MTTP: variants seen among roughly 807,000 people sequenced by gnomAD.
MTTP encodes microsomal triglyceride transfer protein, also known as microsomal triglyceride transfer protein large subunit.
Under a neutral mutation model 90.6 loss-of-function variants are expected in MTTP, and 49 were observed. The ratio of observed to expected loss-of-function variants is 0.54; its 90% CI spans 0.43 to 0.69. The LOEUF is 0.69. Ranked by LOEUF, MTTP falls within the 30% of genes least tolerant of loss-of-function variation. MTTP has a pLI of 0.00. For synonymous variants in MTTP, 347 were observed against 384.2 expected (o/e 0.90, Z 1.13); for missense variants, 945 against 1,067.5 (o/e 0.89, Z 1.60).
At chr4:99,605,299 A>C (rs1725787237) in intron 10 of MTTP, among the ~76,000 whole-genome samples, 1 of 152,142 alleles carries the variant, frequency 6.6e-6, no homozygotes, top group African/African-American at 2.4e-5. Context: ...ATGTTCACAC[A>C]TTTACATACT....
At chr4:99,569,636 A>T (rs1398662232) in intron 1 of MTTP, among the ~76,000 whole-genome samples, 1 of 151,990 alleles carries the variant, frequency 6.6e-6, no homozygotes, top group African/African-American at 2.4e-5. Flanking sequence ...TGGCAAAAAA[A>T]GAAAATGCAA....
At chr4:99,610,186 C>T (rs1275323228) in intron 12 of MTTP, among the ~76,000 whole-genome samples, 1 of 152,160 alleles carries the variant, frequency 6.6e-6, no homozygotes, top group Non-Finnish European at 1.5e-5. Context: ...AGCTCACCAT[C>T]TTTGAGGGAA....
chr4:99,587,463 G>A (rs1340935604), intron 3 of MTTP, among the ~76,000 whole-genome samples: 1 of 152,138 alleles, frequency 6.6e-6, no homozygotes, highest in Non-Finnish European at 1.5e-5. Context: ...GGATCCAGAG[G>A]TCAAGATCAA....
chr4:99,575,759 G>A (rs1215867102), intron 1 of MTTP, among the ~76,000 whole-genome samples: 2 of 152,172 alleles, frequency 1.3e-5, no homozygotes, highest in Admixed American at 1.3e-4. Flanking sequence ...TTTTCCAAAT[G>A]CTGCATTGTG....
intron 16 of MTTP, among the ~76,000 whole-genome samples, chr4:99,620,277 G>C (rs1318653134): frequency 6.6e-6 from 1 of 152,172 alleles, no homozygotes; most frequent in African/African-American, 2.4e-5. Flanking sequence ...TAATATTCCT[G>C]TCAAAACATA....
chr4:99,597,591 A>T (rs1185774448), intron 8 of MTTP, among the ~76,000 whole-genome samples: 2 of 152,204 alleles, frequency 1.3e-5, no homozygotes, highest in African/African-American at 4.8e-5. Flanking sequence ...ACACCTGAAC[A>T]GATTTGAGTT....
intron 6 of MTTP, among the ~76,000 whole-genome samples, chr4:99,593,580 T>C (rs1725481431): frequency 6.6e-6 from 1 of 152,162 alleles, no homozygotes; most frequent in Non-Finnish European, 1.5e-5. Flanking sequence ...TATTTTCAGA[T>C]TTTAATTCAG....
At chr4:99,567,254 G>C (rs1057446888) in intron 1 of MTTP, among the ~76,000 whole-genome samples, 5 of 152,160 alleles carry the variant, frequency 3.3e-5, no homozygotes, top group African/African-American at 1.2e-4. Flanking sequence ...TGAACTTCCT[G>C]AATCTCCTGA....
upstream of MTTP, among the ~76,000 whole-genome samples, chr4:99,573,711 C>T (rs1374279910): frequency 1.3e-5 from 2 of 152,194 alleles, no homozygotes; most frequent in East Asian, 1.9e-4. Context: ...CTCAAGGTTA[C>T]GGTTTGAGAA....
chr4:99,592,835 T>G (rs1725464988), intron 6 of MTTP, among the ~76,000 whole-genome samples: 1 of 152,198 alleles, frequency 6.6e-6, no homozygotes, highest in African/African-American at 2.4e-5. Flanking sequence ...ATGTGTGGTA[T>G]AATAAACACA....
Position 99,583,523 on chromosome 4 carries a change from G to C in MTTP, c.393+6G>C, listed in dbSNP as rs1725180589. ...TTCATCTAATCCATGGAAAGGTAAA[G>C]GGGCGTTTAGATTCCACAACTTTTT... On this transcript the variant is annotated splice_donor_region_variant and intron_variant, in intron 3 of 17. Coordinates refer to ENST00000265517, the MANE Select transcript of MTTP (RefSeq NM_001386140.1). The C allele has an allele frequency of 2.5e-6, 4 of 1,613,334 alleles. No individual in the cohort carries two copies. The highest frequency in any genetic ancestry group is 3.4e-6 in the Non-Finnish European group (4 of 1,179,774).
At chr4:99,610,149 C>T (rs1471428513) in intron 12 of MTTP, among the ~76,000 whole-genome samples, 1 of 152,172 alleles carries the variant, frequency 6.6e-6, no homozygotes, top group Non-Finnish European at 1.5e-5. Flanking sequence ...GGTATTCAGA[C>T]TTTGCTTCCC....
At chr4:99,615,033 C>G (rs1726064919) in intron 15 of MTTP, among the ~76,000 whole-genome samples, 1 of 152,162 alleles carries the variant, frequency 6.6e-6, no homozygotes, top group African/African-American at 2.4e-5. Flanking sequence ...AGCATAAGTA[C>G]TGAAAAAGTA....
intron 1 of MTTP, among the ~76,000 whole-genome samples, chr4:99,566,642 A>G (rs1475371255): frequency 1.3e-5 from 2 of 152,210 alleles, no homozygotes; most frequent in Non-Finnish European, 2.9e-5. Flanking sequence ...GAACAGCCAT[A>G]AATATGAAAT....
Position 99,611,562 on chromosome 4 carries a change from G to C in MTTP, c.1989+109G>C, listed in dbSNP as rs937282765. 7 of 1,421,918 alleles carry C rather than the reference G, an allele frequency of 4.9e-6. No individual in the cohort carries two copies. In the African/African-American group the frequency reaches 9.9e-5, roughly 20 times the overall value. The allele number at this position is 1,421,918 out of a possible 1,614,324, so 88.1% of individuals were successfully genotyped here. ...ATGCTATAGAATGTATAAGTTAATG[G>C]TGGCTTCTGTCATATTTTGCCCATG... On this transcript the variant is annotated intron_variant, in intron 14 of 17. Transcript: ENST00000265517.
intron 1 of MTTP, among the ~76,000 whole-genome samples, chr4:99,579,792 C>T (rs948328623): frequency 1.5e-4 from 23 of 151,988 alleles, no homozygotes; most frequent in Admixed American, 1.3e-4. Flanking sequence ...AATCCCAGCA[C>T]TTTGGGAGGG....
upstream of MTTP, among the ~76,000 whole-genome samples, chr4:99,569,957 A>G (rs1724798022): frequency 6.6e-6 from 1 of 151,946 alleles, no homozygotes; most frequent in Admixed American, 6.6e-5. Flanking sequence ...TATTTTTGTC[A>G]TTAACCAAAC....
Position 99,574,888 on chromosome 4 carries a change from C to T in MTTP, c.-22C>T, listed in dbSNP as rs749409540. The T allele has an allele frequency of 1.2e-6, 2 of 1,614,094 alleles. No individual in the cohort carries two copies. Among genetic ancestry groups the T allele is most frequent in the Non-Finnish European group, 1.7e-6 (2 of 1,179,934 alleles). ...GTGACTCCTAGCTGGGCACTGGATG[C>T]AGTTGAGGATTGCTGGTCAATATGA... On this transcript the variant is annotated 5_prime_UTR_variant, in exon 1 of 18. An upstream open reading frame in the 5' UTR gains an earlier in-frame stop. Coordinates refer to ENST00000265517, the MANE Select transcript of MTTP (RefSeq NM_001386140.1).
chr4:99,591,117 G>T, intron 4 of MTTP, 118 bp from the exon 5 acceptor site: 1 of 760,224 alleles, frequency 1.3e-6, no homozygotes. Context: ...TATCATCCTG[G>T]GGGAGAAAAA....
Sources: allele counts gnomAD v4.1 joint callset (sites outside exome capture counted in the v4.1 genomes callset), GRCh38; gene constraint gnomAD v4.1.1; transcripts MANE v1.5; gene names NCBI Gene and HGNC (gene_info 2026-07-23, HGNC 2026-07-21).